GRM7: variants seen among roughly 807,000 people sequenced by gnomAD.
GRM7 encodes the protein glutamate metabotropic receptor 7, also known as metabotropic glutamate receptor 7.
GRM7 carries 35 observed loss-of-function variants against 84.5 expected under a neutral mutation model. That is an observed-to-expected ratio of 0.41 (90% CI 0.32 to 0.55). The LOEUF is 0.55. Among genes scored for constraint, GRM7 ranks in the 20% least tolerant of loss-of-function variants. The pLI is 0.19. For synonymous variants in GRM7, 487 were observed against 455.1 expected (o/e 1.07, Z -0.89); for missense variants, 1,003 against 1,194.6 (o/e 0.84, Z 2.36).
At chr3:7,495,546 A>G (rs1575416633) in intron 7 of GRM7, among the ~76,000 whole-genome samples, 1 of 152,138 alleles carries the variant, frequency 6.6e-6, no homozygotes, top group African/African-American at 2.4e-5. Context: ...GGTCTCTCTT[A>G]CTGGTTTGGC....
intron 1 of GRM7, among the ~76,000 whole-genome samples, chr3:7,028,370 C>G (rs1427424931): frequency 6.6e-6 from 1 of 152,140 alleles, no homozygotes; most frequent in African/African-American, 2.4e-5. Context: ...ATGTATAGTA[C>G]AGATCTGGCA....
In GRM7 at chr3:6,928,619, A is replaced by C. The variant is rs1697392433; in HGVS notation, c.519+66712A>C. On this transcript the variant is annotated intron_variant, in intron 1 of 9. Coordinates refer to ENST00000357716, the MANE Select transcript of GRM7 (RefSeq NM_000844.4). The surrounding 1 kb of genome is among the most constrained non-coding windows in gnomAD (Gnocchi z 4.5). ...AAAATAAGTTTTTCTCAACTTTTTC[A>C]TTATAGCCCAGATTTTGCCAGGCAA... is the stretch of plus-strand genomic sequence containing the variant. Among the ~76,000 whole-genome samples, 2 of 152,176 alleles carry C rather than the reference A, an allele frequency of 1.3e-5. No homozygotes were observed. The highest frequency in any genetic ancestry group is 4.1e-4 in the South Asian group (2 of 4,832).
intron 1 of GRM7, chr3:6,892,876 G>T (rs913343319): frequency 2.7e-4 from 41 of 152,152 alleles, no homozygotes; most frequent in African/African-American, 9.6e-4. Context: ...AAAACGATGC[G>T]AAACCCGAAC....
At chr3:7,222,175 T>A (rs1481569652) in intron 2 of GRM7, among the ~76,000 whole-genome samples, 3 of 152,146 alleles carry the variant, frequency 2.0e-5, no homozygotes, top group Non-Finnish European at 2.9e-5. Flanking sequence ...TGAATCATCA[T>A]CAACAAAATG....
chr3:6,945,056 T>A (rs555859007), intron 1 of GRM7, among the ~76,000 whole-genome samples: 3 of 150,988 alleles, frequency 2.0e-5, no homozygotes, highest in Admixed American at 6.6e-5. Flanking sequence ...TGACTAGAAT[T>A]TTTTTTTTAT....
rs775078382 is a variant in GRM7, at chr3:7,579,214, T to A, written c.2308T>A (p.Cys770Ser). The change falls in exon 8 of 10, where the codon TGT (cysteine) becomes AGT (serine). Residue 770 changes from cysteine (C) to serine (S), a missense_variant. By Grantham distance (112) the Cys-to-Ser change is moderately radical. Coordinates refer to ENST00000357716, the MANE Select transcript of GRM7 (RefSeq NM_000844.4). ...LGYSILLMVT[C>S]TVYAIKTRGV... ...ATATAGCATTCTTCTCATGGTCACA[T>A]GTACTGTGTATGCCATCAAGACTCG... is the stretch of plus-strand genomic sequence containing the variant. 12 of 1,613,860 alleles carry A rather than the reference T, an allele frequency of 7.4e-6. No individual in the cohort carries two copies. Among genetic ancestry groups the A allele is most frequent in the East Asian group, 6.7e-5 (3 of 44,880 alleles).
At position 7,598,443 on chromosome 3, in the gene GRM7, A is replaced by C. The variant is rs1286989686; in HGVS notation, c.2451+19086A>C. ...ACAGGCAGACTCAGCTTTCATATCT[A>C]ACCCATTTATCCAGCATTCTCCCCA... On this transcript the variant is annotated intron_variant, in intron 8 of 9. Coordinates refer to ENST00000357716, the MANE Select transcript of GRM7 (RefSeq NM_000844.4). Among the ~76,000 whole-genome samples, 7 of 152,164 alleles carry C rather than the reference A, an allele frequency of 4.6e-5. No individual in the cohort carries two copies. In the East Asian group the frequency reaches 1.3e-3, roughly 29 times the overall value.
intron 7 of GRM7, among the ~76,000 whole-genome samples, chr3:7,504,192 A>G (rs1352465316): frequency 1.3e-5 from 2 of 152,230 alleles, no homozygotes; most frequent in Non-Finnish European, 2.9e-5. Context: ...GGATTTTATT[A>G]TCACAAGTGA....
At chr3:7,314,571 G>A (rs1575157245) in intron 4 of GRM7, among the ~76,000 whole-genome samples, 1 of 126,106 alleles carries the variant, frequency 7.9e-6, no homozygotes, top group East Asian at 2.0e-4. Flanking sequence ...GGCACAATAA[G>A]TAAGTAAATT....
intron 1 of GRM7, among the ~76,000 whole-genome samples, chr3:6,878,778 T>C (rs1695406867): frequency 6.6e-6 from 1 of 152,168 alleles, no homozygotes; most frequent in African/African-American, 2.4e-5. Context: ...GATTCTGAGA[T>C]TGGTGTTTTC....
At chr3:7,298,477 G>A (rs2291867) in intron 2 of GRM7, 310,525 of 509,226 alleles carry the variant, frequency 0.61, 97,793 homozygotes, top group African/African-American at 0.86. Flanking sequence ...CTATAAAGAG[G>A]ATGTCGTGTA....
chr3:7,704,095 G>A (rs935280482), intron 9 of GRM7, among the ~76,000 whole-genome samples: 5 of 152,090 alleles, frequency 3.3e-5, no homozygotes, highest in Non-Finnish European at 5.9e-5. Context: ...TATAAAACAT[G>A]ATAACATTGG....
intron 7 of GRM7, among the ~76,000 whole-genome samples, chr3:7,549,229 T>G (rs1693322567): frequency 6.6e-6 from 1 of 152,204 alleles, no homozygotes; most frequent in South Asian, 2.1e-4. Context: ...CAATAAATAC[T>G]TAAAACTCAT....
intron 7 of GRM7, among the ~76,000 whole-genome samples, chr3:7,577,863 T>A (rs1291237289): frequency 1.3e-5 from 2 of 152,192 alleles, no homozygotes; most frequent in African/African-American, 4.8e-5. Context: ...CAGTAATGCT[T>A]AGAGAATTTT....
intron 4 of GRM7, among the ~76,000 whole-genome samples, chr3:7,330,110 A>G (rs2125064742): frequency 6.6e-6 from 1 of 152,282 alleles, no homozygotes; most frequent in Admixed American, 6.5e-5. Context: ...ACTTCAAAAG[A>G]TAGAAGGAAT....
At chr3:6,867,418 G>A (rs1212275148) in intron 1 of GRM7, among the ~76,000 whole-genome samples, 1 of 152,146 alleles carries the variant, frequency 6.6e-6, no homozygotes, top group Non-Finnish European at 1.5e-5. Context: ...AGTTGAGAGG[G>A]AAGACAGACA....
chr3:7,302,720 T>A (rs1393011930), intron 3 of GRM7, among the ~76,000 whole-genome samples: 1 of 152,080 alleles, frequency 6.6e-6, no homozygotes, highest in South Asian at 2.1e-4. Flanking sequence ...TCTAGTTTGA[T>A]ACCTTGTGGA....
At chr3:7,043,238 G>A (rs1479590865) in intron 1 of GRM7, among the ~76,000 whole-genome samples, 1 of 152,136 alleles carries the variant, frequency 6.6e-6, no homozygotes, top group Admixed American at 6.5e-5. Flanking sequence ...TGAAGCGGGG[G>A]GAGGGGGCAT....
rs1278230732 is a variant in GRM7, at chr3:7,402,638, A to G, written c.1034-12385A>G. On this transcript the variant is annotated intron_variant, in intron 4 of 9. Coordinates refer to ENST00000357716, the MANE Select transcript of GRM7 (RefSeq NM_000844.4). ...TTCTCAAACCTGAAAATACCTGCAT[A>G]TAAAAGTGACCTTTGATGTGAAATT... 3.3e-5 allele frequency among the ~76,000 whole-genome samples: 5 copies of G among 152,178 alleles called. No homozygotes were observed. In the South Asian group the frequency reaches 8.3e-4, roughly 25 times the overall value.
Sources: gnomAD v4.1 joint callset for allele counts (sites outside exome capture counted in the v4.1 genomes callset) on GRCh38, gnomAD v4.1.1 for gene constraint, Gnocchi (gnomAD v3.1) non-coding constraint, MANE v1.5 for transcripts, NCBI Gene and HGNC (gene_info 2026-07-23, HGNC 2026-07-21) for gene names.